ACSL3: variants seen among roughly 807,000 people sequenced by gnomAD.
The protein encoded by ACSL3 is fatty acid CoA ligase Acsl3.
Under a neutral mutation model 84.7 loss-of-function variants are expected in ACSL3, and 34 were observed. That is an observed-to-expected ratio of 0.40 (90% CI 0.31 to 0.53). The LOEUF is 0.53. Ranked by LOEUF, ACSL3 falls within the 20% of genes least tolerant of loss-of-function variation. The pLI, the probability that ACSL3 is intolerant of heterozygous loss-of-function variation, is 0.48. For missense variants in ACSL3, 680 were observed against 873.1 expected, an observed-to-expected ratio of 0.78 and a Z score of 2.79; for synonymous variants, 315 against 299.4, an observed-to-expected ratio of 1.05 and a Z score of -0.54.
intron 2 of ACSL3, among the ~76,000 whole-genome samples, chr2:222,898,442 T>C (rs572671277): frequency 1.3e-5 from 2 of 152,194 alleles, no homozygotes; most frequent in African/African-American, 2.4e-5. Flanking sequence ...AATGAATCTG[T>C]CACAGGAGTT....
intron 1 of ACSL3, among the ~76,000 whole-genome samples, chr2:222,876,209 G>C (rs1370251916): frequency 6.6e-6 from 1 of 152,210 alleles, no homozygotes; most frequent in Non-Finnish European, 1.5e-5. Context: ...GTAAATCATA[G>C]GAGCAGCTTT....
intron 1 of ACSL3, among the ~76,000 whole-genome samples, chr2:222,886,350 A>T (rs983012717): frequency 6.6e-6 from 1 of 152,188 alleles, no homozygotes; most frequent in South Asian, 2.1e-4. Flanking sequence ...TTCCTGTGTT[A>T]GTTTGCTGAG....
At chr2:222,924,351 C>A in intron 10 of ACSL3, 105 bp from the exon 11 acceptor site, 1 of 1,075,752 alleles carries the variant, frequency 9.3e-7, no homozygotes, top group Non-Finnish European at 1.3e-6. Flanking sequence ...AAGAGTACTT[C>A]TTTTAAAATG....
intron 4 of ACSL3, among the ~76,000 whole-genome samples, chr2:222,915,522 T>C (rs1165172771): frequency 1.3e-5 from 2 of 149,636 alleles, no homozygotes; most frequent in African/African-American, 4.8e-5. Context: ...AGAGGAGCTT[T>C]TTATACAGTC....
rs57522671 is a variant in ACSL3 at position 222,901,964 on chromosome 2, A to AAAAAAAAAAAAAAAAAATG, written c.-41+1184_-41+1185insAAAAAAAAAAAAAAAAATG. On this transcript the variant is annotated intron_variant, in intron 3 of 16. Transcript: ENST00000357430. Reference sequence around the variant, plus strand: ...GTCTCAAAAAAAAAAAAAAAAAAAAAGAACTCAAATATTGTTGAGGTAGCA... The same window carrying AAAAAAAAAAAAAAAAAATG: ...GTCTCAAAAAAAAAAAAAAAAAAAAAAAAAAAAAAAAAAAAAATGGAACTCAAATATTGTTGAGGTAGCA... Among the ~76,000 whole-genome samples the AAAAAAAAAAAAAAAAAATG allele has an allele frequency of 1.5e-4, 15 of 99,456 alleles. 5 individuals carry two copies. The highest frequency in any genetic ancestry group is 2.4e-4 in the African/African-American group (6 of 24,630). The allele number at this position is 99,456 out of a possible 152,430, so 65.2% of individuals were successfully genotyped here.
In ACSL3 at chr2:222,934,663, G is replaced by A; in HGVS notation, c.1981G>A (p.Val661Met). 1.2e-6 allele frequency: 2 copies of A among 1,608,046 alleles called. No individual in the cohort carries two copies. Among genetic ancestry groups the A allele is most frequent in the Non-Finnish European group, 1.7e-6 (2 of 1,178,070 alleles). Residue 661 changes from valine (V) to methionine (M), a missense_variant, in exon 16 of 17, where the codon GTG (valine) becomes ATG (methionine). By Grantham distance (21) the Val-to-Met change is conservative (BLOSUM62 1). Coordinates refer to ENST00000357430, the MANE Select transcript of ACSL3 (RefSeq NM_004457.5). ...SCEMENEVLK[V>M]LSEAAISASL... ...TGAAATGGAAAATGAGGTACTTAAAGTGCTTTCCGAAGCTGCTATTTCAGG... is the reference window on the plus strand; with the variant it reads ...TGAAATGGAAAATGAGGTACTTAAAATGCTTTCCGAAGCTGCTATTTCAGG...
At chr2:222,892,404 G>T (rs1695863253) in intron 2 of ACSL3, among the ~76,000 whole-genome samples, 1 of 152,150 alleles carries the variant, frequency 6.6e-6, no homozygotes, top group African/African-American at 2.4e-5. Context: ...ATGTTTGTGA[G>T]AACCAGGGTG....
chr2:222,872,019 C>G (rs1222473630), intron 1 of ACSL3, among the ~76,000 whole-genome samples: 1 of 151,524 alleles, frequency 6.6e-6, no homozygotes, highest in Non-Finnish European at 1.5e-5. Flanking sequence ...ATGTATAATT[C>G]TAGGGAAAAA....
intron 4 of ACSL3, among the ~76,000 whole-genome samples, chr2:222,914,772 T>C (rs920931107): frequency 2.0e-5 from 3 of 152,214 alleles, no homozygotes; most frequent in African/African-American, 7.2e-5. Flanking sequence ...AAGTTAGGAT[T>C]AGAAACTTTT....
rs563816013 is a variant in ACSL3, at chr2:222,862,041, C to T, written c.-207+783C>T. Among the ~76,000 whole-genome samples, 11 of 152,170 alleles carry T rather than the reference C, an allele frequency of 7.2e-5. No homozygotes were observed. In the South Asian group the frequency reaches 1.0e-3, roughly 14 times the overall value. ...GCTCTAAGCTGCTGTATAAAAGATC[C>T]CTCGAAAATGAAAAGGCTGGAGGAA... On this transcript the variant is annotated intron_variant, in intron 1 of 16. Coordinates refer to ENST00000357430, the MANE Select transcript of ACSL3 (RefSeq NM_004457.5).
In ACSL3 at chr2:222,911,250, T is replaced by C. The variant is rs957688916; in HGVS notation, c.378+2100T>C. Among the ~76,000 whole-genome samples the C allele has an allele frequency of 5.3e-5, 8 of 152,220 alleles. No homozygotes were observed. The South Asian group carries it at 1.0e-3, about 20-fold the overall frequency. Reference sequence around the variant, plus strand: ...TTTTAGTAGAGACAAGGTTTCTCCATGTTGGTCAGGCTGGTCTCGAACTCC... The same window carrying C: ...TTTTAGTAGAGACAAGGTTTCTCCACGTTGGTCAGGCTGGTCTCGAACTCC... On this transcript the variant is annotated intron_variant, in intron 4 of 16. Coordinates refer to ENST00000357430, the MANE Select transcript of ACSL3 (RefSeq NM_004457.5).
chr2:222,906,357 C>T (rs906125017), intron 3 of ACSL3, among the ~76,000 whole-genome samples: 1 of 152,192 alleles, frequency 6.6e-6, no homozygotes, highest in African/African-American at 2.4e-5. Flanking sequence ...TCATTGGTAT[C>T]ACCACCCAGC....
intron 14 of ACSL3, among the ~76,000 whole-genome samples, chr2:222,932,286 G>C (rs1307129778): frequency 6.6e-6 from 1 of 152,206 alleles, no homozygotes; most frequent in African/African-American, 2.4e-5. Context: ...GAACATACTT[G>C]AAGCCCTGCT....
intron 14 of ACSL3, among the ~76,000 whole-genome samples, chr2:222,931,167 A>T (rs914721351): frequency 6.6e-6 from 1 of 152,226 alleles, no homozygotes; most frequent in African/African-American, 2.4e-5. Flanking sequence ...AAAGCCAGGC[A>T]GCTCAAGTAC....
chr2:222,944,256 T>A lies in ACSL3; in HGVS notation c.*2602T>A, dbSNP rs1051406545. 2.0e-5 allele frequency: 3 copies of A among 152,184 alleles called. No individual in the cohort carries two copies. Among genetic ancestry groups the A allele is most frequent in the Admixed American group, 1.3e-4 (2 of 15,282 alleles). 9.4% of individuals were successfully genotyped at this position (152,184 alleles called of 1,614,324 possible). A position where few individuals can be genotyped will look rare whatever the true frequency, so the allele number is the denominator to read the frequency against. On this transcript the variant is annotated 3_prime_UTR_variant, in exon 17 of 17. Coordinates refer to ENST00000357430, the MANE Select transcript of ACSL3 (RefSeq NM_004457.5). ...TAAAAATAGATTAACCTGGAATAAC[T>A]TACTTGTTTGCTGCTAAAATACTCA...
At position 222,891,249 on chromosome 2, in the gene ACSL3, ATTGTC is replaced by A. The variant is rs561867114; in HGVS notation, c.-148+3364_-148+3368del. Among the ~76,000 whole-genome samples the A allele has an allele frequency of 2.6e-3, 403 of 152,308 alleles. 2 individuals are homozygous for A. Among genetic ancestry groups the A allele is most frequent in the African/African-American group, 8.7e-3 (363 of 41,564 alleles). On this transcript the variant is annotated intron_variant, in intron 2 of 16. Transcript: ENST00000357430. ...AAAAGAGTAAAGAATCCTATTCAGT[ATTGTC>A]TTAATCAGTTTTGGGAACCCTAGGC...
rs555745662 is a variant in ACSL3, at chr2:222,927,068, G to C, written c.1344G>C (p.Leu448=). The C allele has an allele frequency of 5.0e-6, 8 of 1,614,104 alleles. No individual in the cohort carries two copies. In the Admixed American group the frequency reaches 1.2e-4, roughly 24 times the overall value. Residue 448 remains leucine, a synonymous_variant, in exon 12 of 17, where the codon CTG becomes CTC. Coordinates refer to ENST00000357430, the MANE Select transcript of ACSL3 (RefSeq NM_004457.5). ...RSLLGGNIRL[L]LCGGAPLSAT... ...TGCTAGGGGGAAATATTCGTCTCCT[G>C]TTGTGTGGTGGCGCTCCACTTTCTG...
intron 5 of ACSL3, 31 bp from the exon 6 acceptor site, chr2:222,918,015 A>G (rs757059378): frequency 2.7e-6 from 4 of 1,485,802 alleles, no homozygotes; most frequent in East Asian, 4.5e-5. Context: ...AAATGTTTGA[A>G]TATTTGACTG....
In ACSL3 at chr2:222,901,722, G is replaced by A. The variant is rs181734047; in HGVS notation, c.-41+942G>A. On this transcript the variant is annotated intron_variant, in intron 3 of 16. Transcript: ENST00000357430. The stretch of plus-strand genomic sequence containing the variant: ...AGCACTTTGGGAGGCCAAGGTGGGC[G>A]GATCACAAGGTCAAGAGATCGAGAC... Among the ~76,000 whole-genome samples the A allele has an allele frequency of 3.9e-3, 593 of 150,596 alleles. 2 individuals are homozygous for A. Among genetic ancestry groups the A allele is most frequent in the Middle Eastern group, 0.021 (6 of 280 alleles).
Sources: gnomAD v4.1 joint callset for allele counts (sites outside exome capture counted in the v4.1 genomes callset) on GRCh38, gnomAD v4.1.1 for gene constraint, MANE v1.5 for transcripts, NCBI Gene and HGNC (gene_info 2026-07-23, HGNC 2026-07-21) for gene names.